RGS6: variants seen among roughly 807,000 people sequenced by gnomAD.
RGS6 encodes the protein regulator of G-protein signaling 6.
In RGS6, 30 loss-of-function variants were observed where a neutral mutation model predicts 78.5. That is an observed-to-expected ratio of 0.38 (90% CI 0.29 to 0.52). RGS6 has a LOEUF of 0.52. RGS6 is among the 20% of genes least tolerant of loss of function. The probability of loss-of-function intolerance (pLI) is 0.85; values close to 1 mark genes in which losing one functional copy is unlikely to be tolerated. For synonymous variants in RGS6, 206 were observed against 206.0 expected (o/e 1.00, Z 0.00); for missense variants, 495 against 609.7 (o/e 0.81, Z 1.98).
At chr14:72,514,724 C>T (rs553686767) in intron 14 of RGS6, among the ~76,000 whole-genome samples, 47 of 152,360 alleles carry the variant, frequency 3.1e-4, no homozygotes, top group African/African-American at 1.1e-3. Flanking sequence ...CTGCCAGTCA[C>T]AACGGCCCTT....
At chr14:72,160,731 A>T (rs918593357) in intron 2 of RGS6, among the ~76,000 whole-genome samples, 2 of 152,338 alleles carry the variant, frequency 1.3e-5, no homozygotes, top group South Asian at 2.1e-4. Context: ...ACATGTGAAG[A>T]CATTTACAAG....
At chr14:72,189,536 G>A (rs1256307069) in intron 2 of RGS6, among the ~76,000 whole-genome samples, 1 of 152,144 alleles carries the variant, frequency 6.6e-6, no homozygotes, top group Admixed American at 6.5e-5. Context: ...CTTTGAGGTG[G>A]CCGCCAGACA....
chr14:71,877,822 C>T, the RGS6 span, among the ~76,000 whole-genome samples: 16 of 152,160 alleles, frequency 1.1e-4, no homozygotes, highest in African/African-American at 3.6e-4. Context: ...GTTTTATCTA[C>T]CTTTGGCATT....
the RGS6 span, chr14:72,619,222 G>A: frequency 7.1e-7 from 1 of 1,415,440 alleles, no homozygotes; most frequent in Non-Finnish European, 9.6e-7. Flanking sequence ...TATGTGGGAG[G>A]AGGGCGCGTT....
At chr14:72,098,648 C>T (rs1273822653) in intron 2 of RGS6, among the ~76,000 whole-genome samples, 2 of 152,110 alleles carry the variant, frequency 1.3e-5, no homozygotes, top group African/African-American at 4.8e-5. Context: ...ATACAGAGTT[C>T]CAGTTTCCCT....
intron 2 of RGS6, among the ~76,000 whole-genome samples, chr14:72,155,923 C>T (rs1288743992): frequency 1.3e-5 from 2 of 152,208 alleles, no homozygotes; most frequent in Non-Finnish European, 2.9e-5. Context: ...TGAGGTTCAA[C>T]TGGGAAAACG....
At chr14:72,216,349 C>T (rs985160503) in intron 2 of RGS6, among the ~76,000 whole-genome samples, 6 of 152,180 alleles carry the variant, frequency 3.9e-5, no homozygotes, top group Non-Finnish European at 5.9e-5. Context: ...AAAGATGTCA[C>T]GGGACCTCAG....
chr14:72,304,772 C>T (rs553326292), intron 2 of RGS6, among the ~76,000 whole-genome samples: 2 of 151,960 alleles, frequency 1.3e-5, no homozygotes, highest in Admixed American at 6.6e-5. Flanking sequence ...CCAGGCTACT[C>T]GGGAGGTTGA....
chr14:71,939,329 T>C (rs1566871287), intron 1 of RGS6, among the ~76,000 whole-genome samples: 1 of 152,226 alleles, frequency 6.6e-6, no homozygotes, highest in East Asian at 1.9e-4. Context: ...TTGGATTTCT[T>C]ATCCTCTGGC....
At chr14:72,334,604 CTTT>C (rs1333836236) in intron 2 of RGS6, among the ~76,000 whole-genome samples, 2 of 152,184 alleles carry the variant, frequency 1.3e-5, no homozygotes, top group Admixed American at 6.5e-5. Context: ...GCCTGAAACA[CTTT>C]TTTGCAGTAA....
intron 1 of RGS6, among the ~76,000 whole-genome samples, chr14:71,938,482 C>T (rs923005946): frequency 3.3e-5 from 5 of 152,154 alleles, no homozygotes; most frequent in Admixed American, 2.0e-4. Flanking sequence ...GTGGTGCCTG[C>T]ATATCGTGCA....
intron 2 of RGS6, chr14:71,990,841 G>A: frequency 2.2e-6 from 1 of 456,038 alleles, no homozygotes; most frequent in South Asian, 1.5e-5. Flanking sequence ...ATAACAGGTA[G>A]AACATAGCTT....
chr14:71,872,503 C>T, the RGS6 span, among the ~76,000 whole-genome samples: 1 of 152,188 alleles, frequency 6.6e-6, no homozygotes, highest in East Asian at 1.9e-4. Context: ...TCATCCCTTT[C>T]ATGTGGAAAC....
chr14:72,499,234 C>A (rs1159351326), intron 13 of RGS6, among the ~76,000 whole-genome samples: 1 of 152,240 alleles, frequency 6.6e-6, no homozygotes, highest in Non-Finnish European at 1.5e-5. Flanking sequence ...TTTAAAATCT[C>A]CCTGGTTCCC....
chr14:72,303,376 C>T (rs1193399392), intron 2 of RGS6, among the ~76,000 whole-genome samples: 1 of 152,108 alleles, frequency 6.6e-6, no homozygotes, highest in African/African-American at 2.4e-5. Flanking sequence ...TGGCATGTGC[C>T]TATAATCCCA....
chr14:72,444,787 G>T lies in RGS6; in HGVS notation c.185-9741G>T, dbSNP rs1177665242. Among the ~76,000 whole-genome samples the T allele has an allele frequency of 4.7e-4, 71 of 152,142 alleles. 2 individuals are homozygous for T. The highest frequency in any genetic ancestry group is 1.7e-3 in the African/African-American group (71 of 41,332). The stretch of plus-strand genomic sequence containing the variant: ...GAAGACCCCAGGTTGATGACCCCTG[G>T]TTTAGGAGTGCATATGGCAGGATGC... On this transcript the variant is annotated intron_variant, in intron 3 of 17. Transcript: ENST00000553525.
the RGS6 span, among the ~76,000 whole-genome samples, chr14:72,580,992 A>T: frequency 2.6e-5 from 4 of 152,350 alleles, no homozygotes; most frequent in Non-Finnish European, 5.9e-5. Flanking sequence ...GTTCACAGGC[A>T]AGTAGCCTCA....
rs2096183249 is a variant in RGS6 at position 72,474,561 on chromosome 14, A to G, written c.619-64A>G. The G allele has an allele frequency of 9.7e-6, 14 of 1,440,038 alleles. No homozygotes were observed. The East Asian group carries it at 1.4e-4, about 14-fold the overall frequency. 89.2% of individuals were successfully genotyped at this position (1,440,038 alleles called of 1,614,324 possible). A position where few individuals can be genotyped will look rare whatever the true frequency, so the allele number is the denominator to read the frequency against. ...TAAAGATTGGTCCTGATGGTGTGAC[A>G]TGGGCTAAATTGGAAGTGTAATTTT... is the stretch of plus-strand genomic sequence containing the variant. On this transcript the variant is annotated intron_variant, in intron 9 of 17. Transcript: ENST00000553525.
At chr14:72,437,614 A>T (rs998711730) in intron 3 of RGS6, among the ~76,000 whole-genome samples, 5 of 152,218 alleles carry the variant, frequency 3.3e-5, no homozygotes, top group Admixed American at 6.5e-5. Flanking sequence ...TTTTATATTT[A>T]CACCATCCTT....
Sources: gnomAD v4.1 joint callset for allele counts (sites outside exome capture counted in the v4.1 genomes callset) on GRCh38, gnomAD v4.1.1 for gene constraint, MANE v1.5 for transcripts, NCBI Gene and HGNC (gene_info 2026-07-23, HGNC 2026-07-21) for gene names.